THSD7A: variants seen among roughly 807,000 people sequenced by gnomAD.
The protein encoded by THSD7A is thrombospondin type-1 domain-containing protein 7A.
THSD7A carries 96 observed loss-of-function variants against 231.3 expected under a neutral mutation model. That is an observed-to-expected ratio of 0.41 (90% CI 0.35 to 0.49). The LOEUF is 0.49. Ranked by LOEUF, THSD7A falls within the 20% of genes least tolerant of loss-of-function variation. The probability of loss-of-function intolerance (pLI) is 0.05; values close to 1 mark genes in which losing one functional copy is unlikely to be tolerated. For synonymous variants in THSD7A, 940 were observed against 743.3 expected, an observed-to-expected ratio of 1.26 and a Z score of -4.30; for missense variants, 2,290 against 2,070.2, an observed-to-expected ratio of 1.11 and a Z score of -2.06.
intron 6 of THSD7A, among the ~76,000 whole-genome samples, chr7:11,497,341 C>A (rs1029974413): frequency 6.6e-6 from 1 of 152,092 alleles, no homozygotes; most frequent in Admixed American, 6.6e-5. Context: ...CAAAACATAT[C>A]AATCAATAAG....
chr7:11,644,790 T>C (rs1485637401), intron 1 of THSD7A, among the ~76,000 whole-genome samples: 1 of 151,998 alleles, frequency 6.6e-6, no homozygotes, highest in Admixed American at 6.6e-5. Flanking sequence ...CTTTGCGTTC[T>C]GGTTTCCTCA....
At chr7:11,388,028 G>A (rs1583651153) in intron 23 of THSD7A, among the ~76,000 whole-genome samples, 1 of 152,132 alleles carries the variant, frequency 6.6e-6, no homozygotes, top group East Asian at 1.9e-4. Flanking sequence ...TGTTGAACCA[G>A]CCTTGCATCC....
At chr7:11,828,510 G>A (rs1044904067) in intron 1 of THSD7A, among the ~76,000 whole-genome samples, 4 of 152,054 alleles carry the variant, frequency 2.6e-5, no homozygotes, top group African/African-American at 9.7e-5. Flanking sequence ...CATGTGTATG[G>A]TATGCCATGT....
rs1437592706 is a variant in THSD7A at position 11,481,779 on chromosome 7, G to A, written c.2017+9C>T. ...CGAACCTAGATGGCGTCTGAAGCTG[G>A]CGACTCACCTTCTTCACCCGCATAG... On this transcript the variant is annotated intron_variant, in intron 7 of 27. Coordinates refer to ENST00000423059, the MANE Select transcript of THSD7A (RefSeq NM_015204.3). The A allele has an allele frequency of 7.6e-6, 12 of 1,585,166 alleles. No individual in the cohort carries two copies. Among genetic ancestry groups the A allele is most frequent in the Non-Finnish European group, 1.0e-5 (12 of 1,162,092 alleles).
At chr7:11,545,716 T>C (rs1789351889) in intron 4 of THSD7A, among the ~76,000 whole-genome samples, 1 of 152,194 alleles carries the variant, frequency 6.6e-6, no homozygotes, top group African/African-American at 2.4e-5. Flanking sequence ...GGGAACCCAC[T>C]CCTCAACAGA....
intron 1 of THSD7A, among the ~76,000 whole-genome samples, chr7:11,815,309 G>C (rs956718676): frequency 4.0e-5 from 6 of 151,788 alleles, no homozygotes; most frequent in African/African-American, 1.5e-4. Context: ...CCTGCAGCAG[G>C]GTAAGGGAGT....
At chr7:11,765,939 T>A (rs1185473955) in intron 1 of THSD7A, among the ~76,000 whole-genome samples, 2 of 152,224 alleles carry the variant, frequency 1.3e-5, no homozygotes, top group Non-Finnish European at 2.9e-5. Flanking sequence ...TTATTTTTTA[T>A]CCTGTACACA....
intron 23 of THSD7A, among the ~76,000 whole-genome samples, chr7:11,382,924 T>TTTTATATA (rs148042319): frequency 1.4e-5 from 2 of 147,420 alleles, no homozygotes; most frequent in African/African-American, 5.0e-5. Flanking sequence ...ATATATATAG[T>TTTTATATA]TATATATATA....
chr7:11,521,030 A>G (rs958078057), intron 6 of THSD7A, among the ~76,000 whole-genome samples: 4 of 152,214 alleles, frequency 2.6e-5, no homozygotes. Flanking sequence ...TTGCTCTTCA[A>G]AATGTAATCA....
chr7:11,657,985 C>CA (rs1782771748), intron 1 of THSD7A, among the ~76,000 whole-genome samples: 1 of 151,690 alleles, frequency 6.6e-6, no homozygotes, highest in East Asian at 2.0e-4. Context: ...GGTTATAGAA[C>CA]ACTCAGAAAG....
chr7:11,614,384 T>TTTACTTATTTGGATGTGGTGA (rs1282140954), intron 2 of THSD7A, among the ~76,000 whole-genome samples: 2 of 152,138 alleles, frequency 1.3e-5, no homozygotes, highest in African/African-American at 2.4e-5. Flanking sequence ...AAAGGGGAGA[T>TTTACTTATTTGGATGTGGTGA]TTACTTATTT....
At chr7:11,647,947 T>C (rs1782346997) in intron 1 of THSD7A, among the ~76,000 whole-genome samples, 1 of 152,032 alleles carries the variant, frequency 6.6e-6, no homozygotes. Context: ...TCAAAATTTC[T>C]TCCCTACCTA....
intron 2 of THSD7A, among the ~76,000 whole-genome samples, chr7:11,601,528 T>C (rs1363025474): frequency 6.6e-6 from 1 of 152,178 alleles, no homozygotes. Flanking sequence ...CTTCAAGAGA[T>C]GCAGCTCTTG....
At position 11,703,927 on chromosome 7, in the gene THSD7A, A is replaced by T. The variant is rs78247600; in HGVS notation, c.191-66966T>A. Among the ~76,000 whole-genome samples, 1,256 of 151,324 alleles carry T rather than the reference A, an allele frequency of 8.3e-3. 10 individuals carry two copies. The highest frequency in any genetic ancestry group is 0.014 in the Non-Finnish European group (950 of 67,430). On this transcript the variant is annotated intron_variant, in intron 1 of 27. Transcript: ENST00000423059. The stretch of plus-strand genomic sequence containing the variant: ...AGGAAAAAGAATTTCTCACACTGAA[A>T]CTGGAATTAATTGGGGTATAATTGG...
At chr7:11,440,751 A>G (rs1784778815) in intron 13 of THSD7A, among the ~76,000 whole-genome samples, 2 of 152,064 alleles carry the variant, frequency 1.3e-5, no homozygotes, top group South Asian at 2.1e-4. Flanking sequence ...GTGAGCAAAG[A>G]AAGTGTTTCT....
At chr7:11,593,107 G>T in intron 3 of THSD7A, 147 bp downstream of exon 3, 14 of 1,078,098 alleles carry the variant, frequency 1.3e-5, no homozygotes, top group Non-Finnish European at 1.8e-5. Flanking sequence ...CTTTTATTCT[G>T]TAAAAAAAGT....
intron 9 of THSD7A, among the ~76,000 whole-genome samples, chr7:11,463,049 T>C (rs547014527): frequency 8.0e-4 from 121 of 152,192 alleles, no homozygotes; most frequent in Non-Finnish European, 1.5e-3. Context: ...AGAATCCTCC[T>C]GATGCATTTT....
At chr7:11,806,780 C>A (rs1195654666) in intron 1 of THSD7A, among the ~76,000 whole-genome samples, 3 of 152,040 alleles carry the variant, frequency 2.0e-5, no homozygotes, top group African/African-American at 7.2e-5. Flanking sequence ...AGGAAAGGTG[C>A]CCAGTACACA....
intron 1 of THSD7A, among the ~76,000 whole-genome samples, chr7:11,672,715 C>A (rs973925917): frequency 6.6e-6 from 1 of 152,092 alleles, no homozygotes; most frequent in Non-Finnish European, 1.5e-5. Flanking sequence ...TTCTTATATA[C>A]CTCACGGTGC....
Sources: gnomAD v4.1 joint callset for allele counts (sites outside exome capture counted in the v4.1 genomes callset) on GRCh38, gnomAD v4.1.1 for gene constraint, MANE v1.5 for transcripts, NCBI Gene and HGNC (gene_info 2026-07-23, HGNC 2026-07-21) for gene names.